The following SLC35F1 variants were observed in gnomAD, a reference collection of about 807,000 sequenced individuals.
SLC35F1 encodes the protein solute carrier family 35 member F1, also known as chromosome 6 open reading frame 169.
SLC35F1 carries 14 observed loss-of-function variants against 48.7 expected under a neutral mutation model. That is an observed-to-expected ratio of 0.29 (90% confidence interval 0.19 to 0.45). The LOEUF (loss-of-function observed/expected upper bound fraction) is 0.45, where lower values mean the gene tolerates loss of function less well. Ranked by LOEUF, SLC35F1 falls within the 20% of genes least tolerant of loss-of-function variation. The probability of loss-of-function intolerance (pLI) is 1.00; values close to 1 mark genes in which losing one functional copy is unlikely to be tolerated. For missense variants in SLC35F1, 404 were observed against 500.0 expected (o/e 0.81, Z 1.83); for synonymous variants, 190 against 202.2 (o/e 0.94, Z 0.51).
chr6:118,301,728 T>C (rs1002746937), intron 7 of SLC35F1, among the ~76,000 whole-genome samples: 2 of 152,186 alleles, frequency 1.3e-5, no homozygotes, highest in Admixed American at 6.5e-5. Flanking sequence ...GGGCAGATTA[T>C]AAATATTTTA....
chr6:118,298,754 CTT>C (rs1237856613), intron 7 of SLC35F1, among the ~76,000 whole-genome samples: 1 of 152,184 alleles, frequency 6.6e-6, no homozygotes, highest in Non-Finnish European at 1.5e-5. Flanking sequence ...CCTTGACTAA[CTT>C]TTCAAAATTT....
chr6:118,154,723 A>C, intron 2 of SLC35F1, 103 bp downstream of exon 2: 1 of 1,107,666 alleles, frequency 9.0e-7, no homozygotes, highest in Non-Finnish European at 1.3e-6. Flanking sequence ...AGTTAAGATC[A>C]TTGAAAACCC....
chr6:117,979,806 C>A (rs1382616412), intron 1 of SLC35F1, among the ~76,000 whole-genome samples: 1 of 152,182 alleles, frequency 6.6e-6, no homozygotes, highest in African/African-American at 2.4e-5. Flanking sequence ...TGTTCCTTAA[C>A]TTGTATCCAT....
intron 2 of SLC35F1, among the ~76,000 whole-genome samples, chr6:118,191,741 G>A (rs1016642442): frequency 6.6e-6 from 1 of 152,106 alleles, no homozygotes; most frequent in Non-Finnish European, 1.5e-5. Flanking sequence ...ATAATCTACT[G>A]TTATAACATC....
At chr6:118,126,900 C>T (rs1196392700) in intron 1 of SLC35F1, among the ~76,000 whole-genome samples, 11 of 152,050 alleles carry the variant, frequency 7.2e-5, no homozygotes, top group Non-Finnish European at 1.6e-4. Flanking sequence ...ATGGGGTTTT[C>T]TAGATATACA....
intron 1 of SLC35F1, among the ~76,000 whole-genome samples, chr6:118,108,926 C>A (rs1030381824): frequency 6.6e-6 from 1 of 152,088 alleles, no homozygotes; most frequent in African/African-American, 2.4e-5. Flanking sequence ...TTGAATTATT[C>A]TAAAGTCCTC....
intron 2 of SLC35F1, among the ~76,000 whole-genome samples, chr6:118,175,749 T>C (rs1200175328): frequency 1.3e-5 from 2 of 152,088 alleles, no homozygotes; most frequent in Non-Finnish European, 2.9e-5. Context: ...TCCCAGAAGC[T>C]TCTTGAGGTA....
chr6:118,018,207 C>T lies in SLC35F1; in HGVS notation c.173+110308C>T, dbSNP rs144743494. Reference sequence around the variant, plus strand: ...CCAACATGGTGAAACCTCATCTTTACGAAAAATACAAAAATTAGCAGGGCG... The same window carrying T: ...CCAACATGGTGAAACCTCATCTTTATGAAAAATACAAAAATTAGCAGGGCG... On this transcript the variant is annotated intron_variant, in intron 1 of 7. Transcript: ENST00000360388. Among the ~76,000 whole-genome samples, 30 of 152,034 alleles carry T rather than the reference C, an allele frequency of 2.0e-4. 1 individual carries two copies. Among genetic ancestry groups the T allele is most frequent in the African/African-American group, 6.0e-4 (25 of 41,486 alleles).
intron 1 of SLC35F1, among the ~76,000 whole-genome samples, chr6:117,917,750 A>G (rs543605022): frequency 1.3e-5 from 2 of 149,718 alleles, no homozygotes; most frequent in Admixed American, 1.3e-4. Flanking sequence ...TTCTGGGGAG[A>G]AGTCGGAGTG....
chr6:118,267,921 T>C (rs1007908525), intron 4 of SLC35F1, among the ~76,000 whole-genome samples: 1 of 151,154 alleles, frequency 6.6e-6, no homozygotes, highest in African/African-American at 2.5e-5. Context: ...AGAAGGGTTT[T>C]TGGAACAGAA....
chr6:118,043,359 T>A (rs149851012), intron 1 of SLC35F1, among the ~76,000 whole-genome samples: 315 of 120,636 alleles, frequency 2.6e-3, no homozygotes, highest in Non-Finnish European at 3.9e-3. Context: ...AGTTAGAATG[T>A]CTTAGCATCA....
chr6:118,086,622 C>T (rs1185434933), intron 1 of SLC35F1, among the ~76,000 whole-genome samples: 1 of 152,194 alleles, frequency 6.6e-6, no homozygotes, highest in African/African-American at 2.4e-5. Flanking sequence ...TGCAGCCCCA[C>T]CTCCAGCCTC....
At chr6:118,091,797 C>A (rs1030076380) in intron 1 of SLC35F1, among the ~76,000 whole-genome samples, 2 of 152,098 alleles carry the variant, frequency 1.3e-5, no homozygotes, top group Non-Finnish European at 2.9e-5. Flanking sequence ...AACCTTTGAC[C>A]AAAATGCTGA....
intron 1 of SLC35F1, among the ~76,000 whole-genome samples, chr6:117,923,683 A>G (rs62637763): frequency 0.24 from 1,651 of 6,848 alleles, 521 homozygotes; most frequent in South Asian, 0.54. Context: ...ATGTACATAT[A>G]TACATATGTA....
chr6:118,253,422 T>C (rs1775601367), intron 3 of SLC35F1, among the ~76,000 whole-genome samples: 1 of 152,142 alleles, frequency 6.6e-6, no homozygotes, highest in African/African-American at 2.4e-5. Context: ...AGAAACCAGA[T>C]TGCAGTGAAT....
intron 1 of SLC35F1, among the ~76,000 whole-genome samples, chr6:117,966,281 C>T (rs1291910665): frequency 6.6e-6 from 1 of 152,182 alleles, no homozygotes; most frequent in Non-Finnish European, 1.5e-5. Flanking sequence ...TGAGATGTAA[C>T]ACTCACGGCA....
At position 117,928,095 on chromosome 6, in the gene SLC35F1, A is replaced by T. The variant is rs1053959309; in HGVS notation, c.173+20196A>T. 2.0e-5 allele frequency among the ~76,000 whole-genome samples: 3 copies of T among 152,140 alleles called. No homozygotes were observed. In the East Asian group the frequency reaches 5.8e-4, roughly 29 times the overall value. On this transcript the variant is annotated intron_variant, in intron 1 of 7. Transcript: ENST00000360388. ...CTTTCATTGCTCCCATTCCAGAAACATGCTGCTTTGTGAGTGTTTTCTGAG... is the reference window on the plus strand; with the variant it reads ...CTTTCATTGCTCCCATTCCAGAAACTTGCTGCTTTGTGAGTGTTTTCTGAG...
At chr6:118,229,167 C>CATAGTA (rs1775257178) in intron 2 of SLC35F1, among the ~76,000 whole-genome samples, 1 of 152,052 alleles carries the variant, frequency 6.6e-6, no homozygotes, top group Non-Finnish European at 1.5e-5. Context: ...CATGTGCAAC[C>CATAGTA]ACTGTTACTA....
intron 2 of SLC35F1, among the ~76,000 whole-genome samples, chr6:118,186,062 T>C (rs1160217278): frequency 3.9e-5 from 6 of 152,068 alleles, no homozygotes; most frequent in South Asian, 2.1e-4. Context: ...GCAGAGTGAG[T>C]CTTCTCCTCA....
Sources: allele counts gnomAD v4.1 joint callset (sites outside exome capture counted in the v4.1 genomes callset), GRCh38; gene constraint gnomAD v4.1.1; transcripts MANE v1.5; gene names NCBI Gene and HGNC (gene_info 2026-07-23, HGNC 2026-07-21).